Variants in STX8 observed in about 807,000 individuals in gnomAD.
STX8 encodes the protein syntaxin 8.
STX8 carries 23 observed loss-of-function variants against 37.5 expected under a neutral mutation model. The ratio of observed to expected loss-of-function variants is 0.61; its 90% CI spans 0.44 to 0.87. The LOEUF is 0.87. STX8 is among the 40% of genes least tolerant of loss of function. The probability of loss-of-function intolerance (pLI) is 0.00; values close to 1 mark genes in which losing one functional copy is unlikely to be tolerated. For synonymous variants in STX8, 115 were observed against 99.1 expected, an observed-to-expected ratio of 1.16 and a Z score of -0.95; for missense variants, 313 against 284.7, an observed-to-expected ratio of 1.10 and a Z score of -0.71.
At chr17:9,462,092 C>T (rs867030547) in intron 6 of STX8, among the ~76,000 whole-genome samples, 87 of 152,248 alleles carry the variant, frequency 5.7e-4, no homozygotes, top group Admixed American at 6.5e-4. Context: ...CAACCTGGTT[C>T]CTAGCAGGCC....
intron 6 of STX8, among the ~76,000 whole-genome samples, chr17:9,405,701 T>A (rs1912777824): frequency 6.6e-6 from 1 of 152,194 alleles, no homozygotes; most frequent in Non-Finnish European, 1.5e-5. Context: ...GGTCACTCAC[T>A]TGCAATGAAA....
chr17:9,260,080 T>G (rs575592531), intron 7 of STX8, among the ~76,000 whole-genome samples: 1 of 151,738 alleles, frequency 6.6e-6, no homozygotes, highest in South Asian at 2.1e-4. Flanking sequence ...AGAAAAAGAA[T>G]AATATTAATA....
chr17:9,259,330 C>T (rs1396125685), intron 7 of STX8, among the ~76,000 whole-genome samples: 1 of 152,198 alleles, frequency 6.6e-6, no homozygotes, highest in African/African-American at 2.4e-5. Context: ...GTAATAATTA[C>T]ACCCTGCCTG....
chr17:9,285,413 TAAA>T (rs56156370), intron 7 of STX8, among the ~76,000 whole-genome samples: 4 of 108,454 alleles, frequency 3.7e-5, no homozygotes, highest in African/African-American at 3.8e-5. Context: ...AAAGTAGTGA[TAAA>T]AAAAAAAAAA....
chr17:9,365,903 A>C (rs771999362), intron 7 of STX8, among the ~76,000 whole-genome samples: 4 of 152,104 alleles, frequency 2.6e-5, no homozygotes, highest in Non-Finnish European at 5.9e-5. Flanking sequence ...AACCCAGGAG[A>C]TGGAGGTTGC....
intron 7 of STX8, among the ~76,000 whole-genome samples, chr17:9,252,753 C>A (rs912341455): frequency 3.9e-5 from 6 of 152,072 alleles, no homozygotes; most frequent in African/African-American, 1.4e-4. Context: ...TCTCTTGGGG[C>A]CCCAAGGTTT....
intron 3 of STX8, chr17:9,553,937 T>G (rs1021729091): frequency 6.6e-6 from 1 of 152,134 alleles, no homozygotes; most frequent in Non-Finnish European, 1.5e-5. Flanking sequence ...TGACTAAAGC[T>G]CTCCAAGAAT....
At chr17:9,562,755 C>A (rs8077921) in intron 2 of STX8, among the ~76,000 whole-genome samples, 104,626 of 151,916 alleles carry the variant, frequency 0.69, 38,473 homozygotes, top group East Asian at 0.98. Context: ...ATTCACACAC[C>A]CTCTGTTGGC....
chr17:9,335,070 C>T (rs911742747), intron 7 of STX8, among the ~76,000 whole-genome samples: 1 of 152,146 alleles, frequency 6.6e-6, no homozygotes, highest in Non-Finnish European at 1.5e-5. Context: ...TCACCTGTTC[C>T]TAACTGTTCT....
rs59435847 is a variant in STX8 at position 9,489,284 on chromosome 17, A to C, written c.541+2545T>G. 8.5e-3 allele frequency among the ~76,000 whole-genome samples: 1,297 copies of C among 152,316 alleles called. 15 individuals are homozygous for C. The highest frequency in any genetic ancestry group is 0.03 in the African/African-American group (1,230 of 41,566). On this transcript the variant is annotated intron_variant, in intron 6 of 7. Coordinates refer to ENST00000306357, the MANE Select transcript of STX8 (RefSeq NM_004853.3). ...AATTTTAAAAATCAAATTAAAAAAA[A>C]TGAAAACAACAACAAAAAAGAAAAC...
At chr17:9,337,450 C>A (rs1206428023) in intron 7 of STX8, among the ~76,000 whole-genome samples, 1 of 152,156 alleles carries the variant, frequency 6.6e-6, no homozygotes, top group Non-Finnish European at 1.5e-5. Flanking sequence ...GTAATCTCAG[C>A]TCACTGCAAC....
At chr17:9,321,748 G>C (rs1273640377) in intron 7 of STX8, among the ~76,000 whole-genome samples, 1 of 152,046 alleles carries the variant, frequency 6.6e-6, no homozygotes, top group African/African-American at 2.4e-5. Context: ...TCAAACTCCT[G>C]ACCTTGTGAT....
intron 2 of STX8, among the ~76,000 whole-genome samples, chr17:9,567,539 T>TA (rs1438631119): frequency 6.6e-6 from 1 of 152,034 alleles, no homozygotes; most frequent in Non-Finnish European, 1.5e-5. Flanking sequence ...ATGTGGAAAA[T>TA]AAGGAAGAAA....
chr17:9,418,609 A>C (rs913619988), intron 6 of STX8, among the ~76,000 whole-genome samples: 1 of 151,086 alleles, frequency 6.6e-6, no homozygotes, highest in Admixed American at 6.6e-5. Flanking sequence ...CAGGCGGATC[A>C]TGAGATCAGG....
chr17:9,528,887 C>A (rs1905687418), intron 4 of STX8, among the ~76,000 whole-genome samples: 1 of 149,786 alleles, frequency 6.7e-6, no homozygotes, highest in Non-Finnish European at 1.5e-5. Flanking sequence ...AAGAGAAATA[C>A]AAGAGAAAAA....
chr17:9,254,831 A>C (rs1371759218), intron 7 of STX8, among the ~76,000 whole-genome samples: 1 of 152,176 alleles, frequency 6.6e-6, no homozygotes, highest in Admixed American at 6.5e-5. Flanking sequence ...AAAGAGGCAC[A>C]CACACACGCG....
intron 3 of STX8, among the ~76,000 whole-genome samples, chr17:9,549,386 C>A (rs1906675243): frequency 6.6e-6 from 1 of 152,176 alleles, no homozygotes. Flanking sequence ...ACAGTTGATG[C>A]TAGAAGAGGC....
intron 7 of STX8, among the ~76,000 whole-genome samples, chr17:9,266,270 G>A (rs563127304): frequency 6.6e-6 from 1 of 152,296 alleles, no homozygotes; most frequent in South Asian, 2.1e-4. Context: ...TTCCAGAACA[G>A]GGGTGCCCCA....
At chr17:9,428,418 T>C (rs917547900) in intron 6 of STX8, among the ~76,000 whole-genome samples, 1 of 152,132 alleles carries the variant, frequency 6.6e-6, no homozygotes, top group Non-Finnish European at 1.5e-5. Context: ...TTTTTTGTAT[T>C]TTTAGTAGAG....
Sources: gnomAD v4.1 joint callset for allele counts (sites outside exome capture counted in the v4.1 genomes callset) on GRCh38, gnomAD v4.1.1 for gene constraint, MANE v1.5 for transcripts, NCBI Gene and HGNC (gene_info 2026-07-23, HGNC 2026-07-21) for gene names.